Variants in LRP1B observed in about 807,000 individuals in gnomAD.
The protein encoded by LRP1B is low-density lipoprotein receptor-related protein 1B.
Under a neutral mutation model 556.6 loss-of-function variants are expected in LRP1B, and 217 were observed. The ratio of observed to expected loss-of-function variants is 0.39; its 90% CI spans 0.35 to 0.44. LRP1B has a LOEUF of 0.44. Ranked by LOEUF, LRP1B falls within the 20% of genes least tolerant of loss-of-function variation. The probability of loss-of-function intolerance (pLI) is 1.00; values close to 1 mark genes in which losing one functional copy is unlikely to be tolerated. For synonymous variants in LRP1B, 2,047 were observed against 1,865.8 expected (o/e 1.10, Z -2.50); for missense variants, 5,053 against 5,620.8 (o/e 0.90, Z 3.23).
Position 141,484,038 on chromosome 2 carries a change from C to T in LRP1B, c.206-3505G>A, listed in dbSNP as rs1332905218. Among the ~76,000 whole-genome samples, 5 of 152,060 alleles carry T rather than the reference C, an allele frequency of 3.3e-5. 1 individual carries two copies. Among genetic ancestry groups the T allele is most frequent in the Non-Finnish European group, 7.4e-5 (5 of 68,026 alleles). On this transcript the variant is annotated intron_variant, in intron 2 of 90. Transcript: ENST00000389484. ...GTGTTGTAGACATGAAGTCCTTGCC[C>T]ATGTCTATGTCCTGAACGGTATTGC...
Position 140,538,397 on chromosome 2 carries a change from T to C in LRP1B, c.7514-1688A>G, listed in dbSNP as rs116679780. Reference sequence around the variant, plus strand: ...GTCTTTCTCTCCCCACTCTAACAGATCCAGGTGTCCATGGTTGCCATCTTT... The same window carrying C: ...GTCTTTCTCTCCCCACTCTAACAGACCCAGGTGTCCATGGTTGCCATCTTT... On this transcript the variant is annotated intron_variant, in intron 45 of 90. Coordinates refer to ENST00000389484, the MANE Select transcript of LRP1B (RefSeq NM_018557.3). 5.7e-3 allele frequency among the ~76,000 whole-genome samples: 874 copies of C among 152,158 alleles called. 8 individuals are homozygous for C. The highest frequency in any genetic ancestry group is 0.02 in the African/African-American group (829 of 41,536).
chr2:140,677,768 C>T (rs151138183), intron 41 of LRP1B, among the ~76,000 whole-genome samples: 3,757 of 149,836 alleles, frequency 0.025, 147 homozygotes, highest in African/African-American at 0.087. Context: ...CCCAGCTACT[C>T]GGGAGGCTGA....
intron 43 of LRP1B, among the ~76,000 whole-genome samples, chr2:140,565,281 A>G (rs1490448484): frequency 7.6e-6 from 1 of 132,368 alleles, no homozygotes; most frequent in Non-Finnish European, 1.7e-5. Flanking sequence ...TGTTTTATAT[A>G]TCATTTTTTC....
intron 2 of LRP1B, among the ~76,000 whole-genome samples, chr2:141,809,009 A>G (rs2105703229): frequency 1.3e-5 from 2 of 152,154 alleles, no homozygotes; most frequent in Admixed American, 1.3e-4. Flanking sequence ...TGAACCTTTT[A>G]TCTTTAACTT....
At chr2:141,795,185 T>C (rs1237361827) in intron 2 of LRP1B, among the ~76,000 whole-genome samples, 1 of 152,116 alleles carries the variant, frequency 6.6e-6, no homozygotes, top group East Asian at 1.9e-4. Context: ...TACGATCTAA[T>C]GGTTTTATGC....
intron 27 of LRP1B, among the ~76,000 whole-genome samples, chr2:140,854,504 A>G (rs1692556696): frequency 6.6e-6 from 1 of 152,152 alleles, no homozygotes; most frequent in African/African-American, 2.4e-5. Flanking sequence ...TAACAATATT[A>G]TTTCAAAGTT....
At chr2:142,127,790 G>T (rs1008366544) in intron 1 of LRP1B, among the ~76,000 whole-genome samples, 3 of 151,940 alleles carry the variant, frequency 2.0e-5, no homozygotes, top group Admixed American at 6.6e-5. Context: ...TTGGAAATGT[G>T]TCTCCACATT....
chr2:141,040,263 G>C (rs1181662710), intron 11 of LRP1B, among the ~76,000 whole-genome samples: 1 of 151,976 alleles, frequency 6.6e-6, no homozygotes, highest in Non-Finnish European at 1.5e-5. Context: ...CAATAATGAA[G>C]AGTAAAGGCT....
chr2:141,815,956 T>C (rs1291947912), intron 1 of LRP1B, among the ~76,000 whole-genome samples: 6 of 152,178 alleles, frequency 3.9e-5, no homozygotes, highest in Admixed American at 3.9e-4. Context: ...GAATGATTGC[T>C]GTAGCGTTAG....
At chr2:141,815,021 A>C (rs7584919) in intron 1 of LRP1B, among the ~76,000 whole-genome samples, 22,626 of 152,010 alleles carry the variant, frequency 0.15, 2,738 homozygotes, top group African/African-American at 0.33. Context: ...CACTCATGAT[A>C]AAGTTCAAGT....
At chr2:141,212,694 T>C (rs564488201) in intron 6 of LRP1B, among the ~76,000 whole-genome samples, 1 of 152,138 alleles carries the variant, frequency 6.6e-6, no homozygotes, top group African/African-American at 2.4e-5. Flanking sequence ...GTTCTCTAGG[T>C]ATATGCAAGG....
intron 2 of LRP1B, among the ~76,000 whole-genome samples, chr2:141,697,718 G>A (rs1691780359): frequency 6.6e-6 from 1 of 151,842 alleles, no homozygotes; most frequent in South Asian, 2.1e-4. Context: ...AACGAATTAA[G>A]AGTCATCAAT....
chr2:140,864,608 C>G (rs1215555638), intron 27 of LRP1B, among the ~76,000 whole-genome samples: 1 of 151,974 alleles, frequency 6.6e-6, no homozygotes, highest in African/African-American at 2.4e-5. Context: ...CAAAGAAAAA[C>G]TAACACATGA....
chr2:140,602,163 G>T (rs999818096), intron 41 of LRP1B, among the ~76,000 whole-genome samples: 2 of 151,232 alleles, frequency 1.3e-5, no homozygotes, highest in Non-Finnish European at 2.9e-5. Flanking sequence ...GTTTTAATAG[G>T]TTAATGTGTC....
intron 11 of LRP1B, among the ~76,000 whole-genome samples, chr2:141,030,141 A>T (rs1294391491): frequency 1.3e-5 from 2 of 152,170 alleles, no homozygotes; most frequent in Non-Finnish European, 2.9e-5. Context: ...GCAAAACTGC[A>T]TAAGAATATT....
chr2:141,562,572 A>G (rs773444596), intron 2 of LRP1B, among the ~76,000 whole-genome samples: 4 of 151,940 alleles, frequency 2.6e-5, no homozygotes, highest in Non-Finnish European at 4.4e-5. Context: ...AGGGCCAGAG[A>G]ATACAGACTT....
At chr2:140,280,476 T>C (rs982233) in intron 84 of LRP1B, among the ~76,000 whole-genome samples, 47,082 of 151,394 alleles carry the variant, frequency 0.31, 7,611 homozygotes, top group Admixed American at 0.4. Flanking sequence ...ATGAACGATG[T>C]GTAATTTGGC....
Position 141,633,446 on chromosome 2 carries a change from T to C in LRP1B, c.206-152913A>G, listed in dbSNP as rs200253540. 8.5e-5 allele frequency among the ~76,000 whole-genome samples: 13 copies of C among 152,228 alleles called. No individual in the cohort carries two copies. The East Asian group carries it at 2.3e-3, about 27-fold the overall frequency. ...CTTGCTTGGGGATAGGTTACACATCTAGCATTCAGCATAGAAAAAGTTAGC... is the reference window on the plus strand; with the variant it reads ...CTTGCTTGGGGATAGGTTACACATCCAGCATTCAGCATAGAAAAAGTTAGC... On this transcript the variant is annotated intron_variant, in intron 2 of 90. Transcript: ENST00000389484.
chr2:141,644,055 T>G (rs891051118), intron 2 of LRP1B, among the ~76,000 whole-genome samples: 1 of 150,036 alleles, frequency 6.7e-6, no homozygotes, highest in Non-Finnish European at 1.5e-5. Flanking sequence ...TGTGTGTATG[T>G]GAGTAAAATC....
Sources: gnomAD v4.1 joint callset for allele counts (sites outside exome capture counted in the v4.1 genomes callset) on GRCh38, gnomAD v4.1.1 for gene constraint, MANE v1.5 for transcripts, NCBI Gene and HGNC (gene_info 2026-07-23, HGNC 2026-07-21) for gene names.